Variants in KIF4A observed in about 807,000 individuals in gnomAD.
KIF4A encodes the protein kinesin family member 4A, also known as chromosome-associated kinesin KIF4A.
Under a neutral mutation model 105.9 loss-of-function variants are expected in KIF4A, and 7 were observed. That is an observed-to-expected ratio of 0.07 (90% confidence interval 0.04 to 0.12). The LOEUF (loss-of-function observed/expected upper bound fraction) is 0.12, where lower values mean the gene tolerates loss of function less well. Among genes scored for constraint, KIF4A ranks in the 10% least tolerant of loss-of-function variants. The pLI, the probability that KIF4A is intolerant of heterozygous loss-of-function variation, is 1.00. For synonymous variants in KIF4A, 281 were observed against 331.3 expected (o/e 0.85, Z 1.65); for missense variants, 558 against 929.2 (o/e 0.60, Z 5.19).
Position 70,378,519 on chromosome X carries a change from G to A in KIF4A, c.2034+2309G>A, listed in dbSNP as rs764110632. Among the ~76,000 whole-genome samples the A allele has an allele frequency of 1.2e-4, 13 of 109,140 alleles. No individual in the cohort carries two copies. The South Asian group carries it at 5.2e-3, about 44-fold the overall frequency. The allele number at this position is 109,140 out of a possible 115,157, so 94.8% of individuals were successfully genotyped here. A position where few individuals can be genotyped will look rare whatever the true frequency, so the allele number is the denominator to read the frequency against. ...CAAGGTGAGCAGATCACCTGAGGTC[G>A]GGAGTTCGAGACCAGCCTGAGTAAC... is the stretch of plus-strand genomic sequence containing the variant. On this transcript the variant is annotated intron_variant, in intron 18 of 30. Transcript: ENST00000374403.
intron 10 of KIF4A, among the ~76,000 whole-genome samples, chrX:70,336,215 T>C (rs756332423): frequency 8.9e-6 from 1 of 112,260 alleles, no homozygotes; most frequent in South Asian, 3.7e-4. Flanking sequence ...ATAGTACTTT[T>C]ATTGTGGACA....
intron 23 of KIF4A, among the ~76,000 whole-genome samples, chrX:70,402,946 CTGT>C (rs2086287822): frequency 1.8e-5 from 2 of 112,113 alleles, no homozygotes; most frequent in South Asian, 7.3e-4. Context: ...TGCGTGTTAG[CTGT>C]TGTTATTAGG....
intron 16 of KIF4A, among the ~76,000 whole-genome samples, 171 bp from the exon 17 acceptor site, chrX:70,375,033 A>G (rs1400813779): frequency 8.9e-6 from 1 of 111,880 alleles, no homozygotes; most frequent in African/African-American, 3.2e-5. Context: ...TTAAGCTCCT[A>G]TTATTGAGAC....
At chrX:70,417,113 C>T (rs1192335201) in intron 28 of KIF4A, among the ~76,000 whole-genome samples, 4 of 112,949 alleles carry the variant, frequency 3.5e-5, no homozygotes, top group Non-Finnish European at 7.5e-5. Flanking sequence ...CAGTGCTTCA[C>T]TTTACCCATA....
At chrX:70,336,809 A>G (rs2085952502) in intron 10 of KIF4A, among the ~76,000 whole-genome samples, 2 of 111,873 alleles carry the variant, frequency 1.8e-5, no homozygotes, top group Middle Eastern at 4.6e-3. Flanking sequence ...CTTTAAATTC[A>G]TTCACAATGT....
intron 13 of KIF4A, among the ~76,000 whole-genome samples, chrX:70,349,546 G>C (rs2086015481): frequency 1.0e-5 from 1 of 95,448 alleles, no homozygotes; most frequent in African/African-American, 4.0e-5. Context: ...CGGGCAGCCG[G>C]GCAGAGGCAC....
intron 8 of KIF4A, 33 bp downstream of exon 8, chrX:70,329,554 TA>T (rs951376258): frequency 2.8e-6 from 3 of 1,084,431 alleles, no homozygotes; most frequent in Non-Finnish European, 3.8e-6. Flanking sequence ...AATAAGAGAG[TA>T]ACTCAAAATG....
At chrX:70,357,315 AAAAC>A (rs201465922) in intron 15 of KIF4A, among the ~76,000 whole-genome samples, 1,622 of 112,032 alleles carry the variant, frequency 0.014, 25 homozygotes, top group African/African-American at 0.048. Flanking sequence ...CTCCATCTCA[AAAAC>A]AAACAAACAA....
chrX:70,359,511 A>T (rs1267253643), intron 15 of KIF4A, among the ~76,000 whole-genome samples: 2 of 101,869 alleles, frequency 2.0e-5, no homozygotes, highest in Non-Finnish European at 4.0e-5. Context: ...TCACATTTTA[A>T]AAAAAAAAAA....
intron 20 of KIF4A, among the ~76,000 whole-genome samples, chrX:70,393,799 CTCTTTCTTTCTTTCTTTCTTTCTTTCTT>C (rs1226256913): frequency 6.8e-5 from 4 of 58,556 alleles, no homozygotes; most frequent in African/African-American, 3.0e-4. Flanking sequence ...CTTTTCTTTT[CTCTTTCTTTCTTTCTTTCTTTCTTTCTT>C]TCTTTCTTTC....
intron 7 of KIF4A, among the ~76,000 whole-genome samples, chrX:70,325,226 C>T (rs1207057261): frequency 8.9e-6 from 1 of 111,852 alleles, no homozygotes. Context: ...AAATGTATAA[C>T]ATTAAGTCAA....
intron 13 of KIF4A, among the ~76,000 whole-genome samples, chrX:70,345,713 C>G (rs2085989780): frequency 9.0e-6 from 1 of 111,126 alleles, no homozygotes; most frequent in Non-Finnish European, 1.9e-5. Flanking sequence ...CAATCCTATC[C>G]GGATAACTGT....
chrX:70,344,608 AAC>A lies in KIF4A; in HGVS notation c.1431+628_1431+629del, dbSNP rs1319597128. ...CTTAGGCATATATGCTTTTAAAAAA[AAC>A]ATTGAAATCGTACTATAACATACTA... On this transcript the variant is annotated intron_variant, in intron 13 of 30. Transcript: ENST00000374403. Among the ~76,000 whole-genome samples the A allele has an allele frequency of 5.6e-3, 618 of 110,904 alleles. 2 individuals carry two copies. The highest frequency in any genetic ancestry group is 9.2e-3 in the Non-Finnish European group (488 of 53,000).
At chrX:70,306,971 T>G (rs1006644551) in intron 7 of KIF4A, among the ~76,000 whole-genome samples, 1 of 109,303 alleles carries the variant, frequency 9.1e-6, no homozygotes, top group African/African-American at 3.3e-5. Context: ...ACTATAGGCA[T>G]GTACCACCAC....
In KIF4A at chrX:70,347,742, G is replaced by A. The variant is rs757378129; in HGVS notation, c.1431+3760G>A. Among the ~76,000 whole-genome samples the A allele has an allele frequency of 3.9e-3, 409 of 105,823 alleles. 3 individuals carry two copies. Among genetic ancestry groups the A allele is most frequent in the African/African-American group, 0.013 (380 of 28,982 alleles). 91.9% of individuals were successfully genotyped at this position (105,823 alleles called of 115,157 possible). ...TGTAATCCCAGCACTTTGGGAGGCC[G>A]AGGCGGGCGGATCACGAGGTCAGGA... is the stretch of plus-strand genomic sequence containing the variant. On this transcript the variant is annotated intron_variant, in intron 13 of 30. Coordinates refer to ENST00000374403, the MANE Select transcript of KIF4A (RefSeq NM_012310.5).
At chrX:70,295,005 C>T (rs2085775845) in intron 3 of KIF4A, among the ~76,000 whole-genome samples, 1 of 112,044 alleles carries the variant, frequency 8.9e-6, no homozygotes, top group African/African-American at 3.2e-5. Context: ...GCCTGGGAGG[C>T]GAAGCCGTGA....
At chrX:70,302,225 G>A (rs1315687101) in intron 6 of KIF4A, 79 bp from the exon 7 acceptor site, 4 of 1,128,497 alleles carry the variant, frequency 3.5e-6, no homozygotes, top group Non-Finnish European at 4.8e-6. Context: ...GAAAATGAGA[G>A]CTGACAGGTC....
chrX:70,369,490 A>G (rs1467410470), intron 15 of KIF4A, among the ~76,000 whole-genome samples: 1 of 112,073 alleles, frequency 8.9e-6, no homozygotes. Flanking sequence ...ACTCTCATAC[A>G]TAGCTGGTAA....
chrX:70,392,562 G>A (rs1484196101), intron 20 of KIF4A, among the ~76,000 whole-genome samples: 1 of 110,287 alleles, frequency 9.1e-6, no homozygotes, highest in Non-Finnish European at 1.9e-5. Context: ...TAGAGAAGCT[G>A]AGATGGGAGG....
Sources: gnomAD v4.1 joint callset for allele counts (sites outside exome capture counted in the v4.1 genomes callset) on GRCh38, gnomAD v4.1.1 for gene constraint, MANE v1.5 for transcripts, NCBI Gene and HGNC (gene_info 2026-07-23, HGNC 2026-07-21) for gene names.